Variants in SEMA4D observed in about 807,000 individuals in gnomAD.
SEMA4D encodes the protein semaphorin 4D.
In SEMA4D, 22 loss-of-function variants were observed where a neutral mutation model predicts 74.8. The observed-to-expected ratio is 0.29, with a 90% CI of 0.21 to 0.42. The LOEUF (loss-of-function observed/expected upper bound fraction) is 0.42. SEMA4D is among the 10% of genes least tolerant of loss of function. SEMA4D has a pLI of 1.00. For missense variants in SEMA4D, 937 were observed against 1,118.4 expected (o/e 0.84, Z 2.31); for synonymous variants, 445 against 463.7 (o/e 0.96, Z 0.52).
At chr9:89,403,458 A>G (rs2133663323) in intron 3 of SEMA4D, among the ~76,000 whole-genome samples, 1 of 152,334 alleles carries the variant, frequency 6.6e-6, no homozygotes, top group South Asian at 2.1e-4. Context: ...GGATTTTCTT[A>G]TTCAGGAAAA....
intron 2 of SEMA4D, among the ~76,000 whole-genome samples, chr9:89,409,079 G>A (rs576119959): frequency 1.3e-5 from 2 of 152,266 alleles, no homozygotes; most frequent in African/African-American, 4.8e-5. Flanking sequence ...TCCAGACAGG[G>A]GAACGTTACT....
chr9:89,370,130 T>C (rs913389483), intron 16 of SEMA4D, among the ~76,000 whole-genome samples: 7 of 146,300 alleles, frequency 4.8e-5, no homozygotes, highest in African/African-American at 1.8e-4. Context: ...TGGTGTGTGT[T>C]GGTATGTGTG....
rs35705317 is a variant in SEMA4D, at chr9:89,491,571, A to AAACAAC, written c.-310+6342_-310+6347dup. On this transcript the variant is annotated intron_variant, in intron 1 of 15. Transcript: ENST00000422704. ...GCGACAGAGCAAGACTCTGTCTCAAAAACAACAACAACAACAACAACAACA... is the reference window on the plus strand; with the variant it reads ...GCGACAGAGCAAGACTCTGTCTCAAAAACAACAACAACAACAACAACAACAACAACA... 3.5e-3 allele frequency among the ~76,000 whole-genome samples: 523 copies of AAACAAC among 150,758 alleles called. 2 individuals are homozygous for AAACAAC. Among genetic ancestry groups the AAACAAC allele is most frequent in the African/African-American group, 0.01 (429 of 41,082 alleles).
intron 8 of SEMA4D, 96 bp downstream of exon 8, chr9:89,392,327 G>A: frequency 4.1e-6 from 4 of 978,310 alleles, no homozygotes; most frequent in Non-Finnish European, 4.7e-6. Context: ...CAAGCTCGGG[G>A]GCCCCCAGGG....
intron 2 of SEMA4D, among the ~76,000 whole-genome samples, chr9:89,430,743 A>G (rs10908925): frequency 0.98 from 148,571 of 152,376 alleles, 72,541 homozygotes; most frequent in Non-Finnish European, 1. Flanking sequence ...TTGGGAGGCC[A>G]AGGCGGGCAG....
At chr9:89,424,358 G>T (rs1847661977) in intron 2 of SEMA4D, among the ~76,000 whole-genome samples, 3 of 152,136 alleles carry the variant, frequency 2.0e-5, no homozygotes, top group Admixed American at 6.5e-5. Flanking sequence ...GGGGCAAATA[G>T]GTTTTCCTAG....
chr9:89,423,287 G>T (rs1293232835), intron 2 of SEMA4D, among the ~76,000 whole-genome samples: 1 of 151,668 alleles, frequency 6.6e-6, no homozygotes, highest in Admixed American at 6.6e-5. Context: ...CACCTTCCGG[G>T]TTCAAGTGAT....
intron 1 of SEMA4D, among the ~76,000 whole-genome samples, chr9:89,483,780 G>A (rs2136210290): frequency 6.6e-6 from 1 of 152,236 alleles, no homozygotes; most frequent in South Asian, 2.1e-4. Context: ...AAATGCATGT[G>A]GGTCACTGTC....
intron 1 of SEMA4D, among the ~76,000 whole-genome samples, chr9:89,463,791 G>C (rs1182349402): frequency 6.6e-6 from 1 of 152,136 alleles, no homozygotes; most frequent in Non-Finnish European, 1.5e-5. Flanking sequence ...AAAATTAGCA[G>C]GGTGTGGCGG....
chr9:89,413,453 T>A (rs567665078), intron 2 of SEMA4D, among the ~76,000 whole-genome samples: 1 of 152,382 alleles, frequency 6.6e-6, no homozygotes, highest in African/African-American at 2.4e-5. Flanking sequence ...CACATGTACA[T>A]CTGTGTGTAT....
At chr9:89,376,809 G>A (rs1269396855), downstream of SEMA4D, 2 of 1,539,436 alleles carry the variant, frequency 1.3e-6, no homozygotes, top group Non-Finnish European at 8.8e-7. Flanking sequence ...ACAGGGCACA[G>A]GGGACAGAGA....
chr9:89,364,442 G>C (rs1833258298), intron 16 of SEMA4D: 1 of 223,362 alleles, frequency 4.5e-6, no homozygotes, highest in Non-Finnish European at 9.2e-6. Context: ...ATGAGGGCCT[G>C]TCTCTCCAAT....
intron 2 of SEMA4D, among the ~76,000 whole-genome samples, chr9:89,409,115 A>T (rs1435239362): frequency 6.6e-6 from 1 of 152,256 alleles, no homozygotes; most frequent in East Asian, 1.9e-4. Context: ...ATAAGCCATT[A>T]GGCCATGAAA....
At chr9:89,441,365 CCAA>C (rs1851629504) in intron 2 of SEMA4D, among the ~76,000 whole-genome samples, 1 of 152,266 alleles carries the variant, frequency 6.6e-6, no homozygotes, top group South Asian at 2.1e-4. Flanking sequence ...GAATTTGGCA[CCAA>C]CAACATTAGC....
chr9:89,456,778 C>T (rs1255686615), intron 1 of SEMA4D, among the ~76,000 whole-genome samples: 4 of 152,114 alleles, frequency 2.6e-5, no homozygotes, highest in African/African-American at 7.2e-5. Flanking sequence ...TTAGTAGAGA[C>T]GGGGTTTCAC....
intron 1 of SEMA4D, among the ~76,000 whole-genome samples, chr9:89,482,108 G>T (rs925168163): frequency 6.6e-6 from 1 of 152,190 alleles, no homozygotes; most frequent in African/African-American, 2.4e-5. Flanking sequence ...CGACCCAGCT[G>T]CTCTAAGAAG....
At chr9:89,496,017 G>A (rs1825986628) in intron 1 of SEMA4D, among the ~76,000 whole-genome samples, 1 of 152,152 alleles carries the variant, frequency 6.6e-6, no homozygotes, top group East Asian at 1.9e-4. Flanking sequence ...GCTTGGTGTG[G>A]GGAAAGCGGC....
rs367799008 is a variant in SEMA4D, at chr9:89,387,628, G to A, written c.1108-20C>T. On this transcript the variant is annotated intron_variant, in intron 11 of 15. Coordinates refer to ENST00000422704, the MANE Select transcript of SEMA4D (RefSeq NM_001371194.2). ...GATGCACTGCAGGGAGAAAATCCCC[G>A]CTGTTAACGTGCTCGTGTCCCACCA... 1.9e-5 allele frequency: 31 copies of A among 1,608,104 alleles called. No homozygotes were observed. Among genetic ancestry groups the A allele is most frequent in the African/African-American group, 9.4e-5 (7 of 74,824 alleles).
chr9:89,449,086 C>T (rs13284207), intron 2 of SEMA4D, among the ~76,000 whole-genome samples: 26,093 of 152,114 alleles, frequency 0.17, 2,608 homozygotes, highest in South Asian at 0.23. Flanking sequence ...GACACAAGCC[C>T]GGATAGCACG....
Sources: allele counts gnomAD v4.1 joint callset (sites outside exome capture counted in the v4.1 genomes callset), GRCh38; gene constraint gnomAD v4.1.1; transcripts MANE v1.5; gene names NCBI Gene and HGNC (gene_info 2026-07-23, HGNC 2026-07-21).